The following SETDB2 variants were observed in gnomAD, a reference collection of about 807,000 sequenced individuals.
SETDB2 encodes SET domain bifurcated histone lysine methyltransferase 2.
SETDB2 carries 56 observed loss-of-function variants against 82.5 expected under a neutral mutation model. The ratio of observed to expected loss-of-function variants is 0.68; its 90% CI spans 0.55 to 0.85. The LOEUF is 0.85. Ranked by LOEUF, SETDB2 falls within the 40% of genes least tolerant of loss-of-function variation. The pLI, the probability that SETDB2 is intolerant of heterozygous loss-of-function variation, is 0.00. For missense variants in SETDB2, 677 were observed against 816.4 expected (o/e 0.83, Z 2.08); for synonymous variants, 272 against 284.9 (o/e 0.95, Z 0.46).
At chr13:49,491,619 G>C in intron 13 of SETDB2, 113 bp from the exon 14 acceptor site, 1 of 727,764 alleles carries the variant, frequency 1.4e-6, no homozygotes, top group Non-Finnish European at 2.4e-6. Context: ...TTGGGTGAGA[G>C]AACAGATCAT....
chr13:49,465,559 G>A (rs960700420), intron 4 of SETDB2, among the ~76,000 whole-genome samples: 4 of 149,238 alleles, frequency 2.7e-5, no homozygotes, highest in South Asian at 2.1e-4. Context: ...TTTTTGAGAC[G>A]AAGTCTCACT....
intron 11 of SETDB2, 76 bp from the exon 12 acceptor site, chr13:49,488,214 T>G: frequency 6.7e-7 from 1 of 1,496,368 alleles, no homozygotes; most frequent in Non-Finnish European, 8.8e-7. Context: ...ACCTAGCATC[T>G]AATTAGTGTT....
chr13:49,470,966 C>CTTTCTTTTTTTTT (rs10695231), intron 5 of SETDB2, among the ~76,000 whole-genome samples: 104 of 80,472 alleles, frequency 1.3e-3, no homozygotes, highest in African/African-American at 3.6e-3. Context: ...TTCTTTCTTT[C>CTTTCTTTTTTTTT]TTTTTTTTTT....
chr13:49,488,213 C>A, intron 11 of SETDB2, 77 bp from the exon 12 acceptor site: 4 of 1,494,290 alleles, frequency 2.7e-6, no homozygotes, highest in Non-Finnish European at 3.5e-6. Context: ...CACCTAGCAT[C>A]TAATTAGTGT....
intron 1 of SETDB2, chr13:49,446,049 ACCT>A (rs891634371): frequency 4.2e-6 from 1 of 237,548 alleles, no homozygotes; most frequent in African/African-American, 2.4e-5. Context: ...GGCAACATAG[ACCT>A]CATGTCTAAA....
At chr13:49,487,523 T>G (rs1958621249) in intron 11 of SETDB2, among the ~76,000 whole-genome samples, 1 of 152,082 alleles carries the variant, frequency 6.6e-6, no homozygotes, top group African/African-American at 2.4e-5. Context: ...TAAAATTTTT[T>G]GTAGAGATGG....
At chr13:49,471,293 G>A (rs1045337575) in intron 5 of SETDB2, among the ~76,000 whole-genome samples, 2 of 151,828 alleles carry the variant, frequency 1.3e-5, no homozygotes, top group African/African-American at 4.8e-5. Context: ...CTATTCTTGA[G>A]TTGAACTGAA....
chr13:49,485,223 G>A (rs968920584), intron 10 of SETDB2, among the ~76,000 whole-genome samples: 1 of 152,154 alleles, frequency 6.6e-6, no homozygotes, highest in African/African-American at 2.4e-5. Context: ...TATCACATTC[G>A]TTAACCTTTC....
At chr13:49,473,610 A>G (rs976553679) in intron 5 of SETDB2, among the ~76,000 whole-genome samples, 2 of 152,068 alleles carry the variant, frequency 1.3e-5, no homozygotes, top group African/African-American at 2.4e-5. Context: ...TTACAGAATA[A>G]TATACTACAG....
chr13:49,468,410 A>G (rs1298979617), intron 5 of SETDB2, among the ~76,000 whole-genome samples: 1 of 151,958 alleles, frequency 6.6e-6, no homozygotes, highest in African/African-American at 2.4e-5. Context: ...TCATTTTATC[A>G]TTACTTTCCA....
At chr13:49,464,119 C>G (rs574449698) in intron 4 of SETDB2, 29 of 762,636 alleles carry the variant, frequency 3.8e-5, no homozygotes, top group Non-Finnish European at 6.4e-5. Context: ...AGGGGCACTT[C>G]TGGAAGAACA....
At chr13:49,488,752 C>T in intron 12 of SETDB2, 122 bp downstream of exon 12, 1 of 747,586 alleles carries the variant, frequency 1.3e-6, no homozygotes, top group Non-Finnish European at 2.1e-6. Flanking sequence ...TTCCAGTCCT[C>T]CACTTGTATA....
intron 12 of SETDB2, among the ~76,000 whole-genome samples, chr13:49,489,907 G>C (rs928267681): frequency 5.2e-3 from 158 of 30,534 alleles, no homozygotes; most frequent in Non-Finnish European, 0.01. Flanking sequence ...TATTTCTCCC[G>C]CCCCCCCCCC....
At chr13:49,475,441 T>C (rs1326024881) in intron 5 of SETDB2, among the ~76,000 whole-genome samples, 4 of 152,248 alleles carry the variant, frequency 2.6e-5, no homozygotes, top group African/African-American at 7.2e-5. Context: ...ACTCAGATTA[T>C]TTGTGAAAGT....
intron 7 of SETDB2, 113 bp downstream of exon 7, chr13:49,480,448 C>T (rs1314044279): frequency 3.1e-6 from 2 of 647,078 alleles, no homozygotes; most frequent in Non-Finnish European, 5.3e-6. Context: ...GGTTCTAATA[C>T]CAAAAATCTA....
At chr13:49,472,993 C>T (rs1958280467) in intron 5 of SETDB2, among the ~76,000 whole-genome samples, 2 of 152,034 alleles carry the variant, frequency 1.3e-5, no homozygotes, top group South Asian at 4.2e-4. Flanking sequence ...AAATTTTAGT[C>T]CTAAGTAGTT....
At chr13:49,455,414 C>T (rs1253712364) in intron 2 of SETDB2, among the ~76,000 whole-genome samples, 1 of 152,092 alleles carries the variant, frequency 6.6e-6, no homozygotes, top group Non-Finnish European at 1.5e-5. Context: ...TTGAGTAGAT[C>T]TTTTACCATG....
At chr13:49,445,092 G>A (rs988585830) in intron 1 of SETDB2, among the ~76,000 whole-genome samples, 2 of 152,188 alleles carry the variant, frequency 1.3e-5, no homozygotes, top group Non-Finnish European at 2.9e-5. Context: ...GTCAAATGGA[G>A]TAACCAAAGC....
intron 11 of SETDB2, among the ~76,000 whole-genome samples, chr13:49,487,663 C>G (rs1958623699): frequency 6.6e-6 from 1 of 152,154 alleles, no homozygotes; most frequent in South Asian, 2.1e-4. Context: ...CTTGAATACT[C>G]TCAAAAAATT....
Sources: allele counts gnomAD v4.1 joint callset (sites outside exome capture counted in the v4.1 genomes callset), GRCh38; gene constraint gnomAD v4.1.1; transcripts MANE v1.5; gene names NCBI Gene and HGNC (gene_info 2026-07-23, HGNC 2026-07-21).